NSD2: variants seen among roughly 807,000 people sequenced by gnomAD.
The protein encoded by NSD2 is nuclear receptor binding SET domain protein 2, also known as histone-lysine N-methyltransferase NSD2.
A neutral mutation model predicts 139.0 loss-of-function variants in NSD2; 12 were observed. The observed-to-expected ratio is 0.09, with a 90% CI of 0.06 to 0.14. The LOEUF is 0.14. Ranked by LOEUF, NSD2 falls within the 10% of genes least tolerant of loss-of-function variation. NSD2 has a pLI of 1.00. For synonymous variants in NSD2, 669 were observed against 648.7 expected (o/e 1.03, Z -0.48); for missense variants, 1,155 against 1,745.0 (o/e 0.66, Z 6.02).
In NSD2 at chr4:1,948,493, C is replaced by T. The variant is rs547332778; in HGVS notation, c.1882-2579C>T. ...CTTTGCTCTCCTTGCGGGTGGTTGC[C>T]GAGCCGAGAGCATTGGATCCTCCCC... On this transcript the variant is annotated intron_variant, in intron 9 of 21. Transcript: ENST00000508803. This position sits in a 1 kb window ranked among gnomAD's most constrained non-coding sequence, Gnocchi z 4.5. 5.6e-6 allele frequency: 6 copies of T among 1,064,490 alleles called. No homozygotes were observed. The highest frequency in any genetic ancestry group is 1.0e-4 in the East Asian group (2 of 19,774). 65.9% of individuals were successfully genotyped at this position (1,064,490 alleles called of 1,614,324 possible).
rs1051723582 is a variant in NSD2, at chr4:1,941,152, T to G, written c.1881+1374T>G. 22 of 1,054,326 alleles carry G rather than the reference T, an allele frequency of 2.1e-5. No homozygotes were observed. In the Admixed American group the frequency reaches 9.8e-4, roughly 47 times the overall value. The allele number at this position is 1,054,326 out of a possible 1,614,324, so 65.3% of individuals were successfully genotyped here. On this transcript the variant is annotated intron_variant, in intron 9 of 21. Coordinates refer to ENST00000508803, the MANE Select transcript of NSD2 (RefSeq NM_001042424.3). ...TATTTTTCCTTTTTCCTTTCTTTCTTGTCCAAGTTCAGGTTAAAATCTTAG... is the reference window on the plus strand; with the variant it reads ...TATTTTTCCTTTTTCCTTTCTTTCTGGTCCAAGTTCAGGTTAAAATCTTAG...
At chr4:1,925,586 A>G (rs1283675047) in intron 5 of NSD2, among the ~76,000 whole-genome samples, 1 of 150,282 alleles carries the variant, frequency 6.7e-6, no homozygotes, top group Non-Finnish European at 1.5e-5. Flanking sequence ...TTTAGTAGAG[A>G]TGGGGTTTCA....
At chr4:1,952,724 T>C (rs1248953440) in intron 11 of NSD2, 13 of 1,075,856 alleles carry the variant, frequency 1.2e-5, no homozygotes, top group African/African-American at 3.3e-5. Context: ...GTCAGTGCTG[T>C]TGTTCTGCCT....
At chr4:1,927,785 T>TGTAATCTG (rs988137648) in intron 5 of NSD2, among the ~76,000 whole-genome samples, 2 of 141,556 alleles carry the variant, frequency 1.4e-5, no homozygotes, top group Admixed American at 7.3e-5. Flanking sequence ...AGGAGGGGAA[T>TGTAATCTG]GTAATCTGAA....
intron 3 of NSD2, among the ~76,000 whole-genome samples, chr4:1,916,150 T>G (rs78069264): frequency 6.6e-6 from 1 of 151,396 alleles, no homozygotes; most frequent in Non-Finnish European, 1.5e-5. Flanking sequence ...CACTGTGAGA[T>G]AGGGGGGTAG....
At chr4:1,940,689 G>T (rs1024363484) in intron 9 of NSD2, 27 of 1,061,368 alleles carry the variant, frequency 2.5e-5, no homozygotes, top group Non-Finnish European at 3.1e-5. Context: ...GAACAGGGTA[G>T]TGAGGCAAGG....
intron 9 of NSD2, among the ~76,000 whole-genome samples, chr4:1,950,278 T>G (rs1383051243): frequency 6.6e-6 from 1 of 152,168 alleles, no homozygotes; most frequent in Non-Finnish European, 1.5e-5. Context: ...TTCTATTAAA[T>G]GAAGGGGAGA....
At chr4:1,968,755 T>G (rs1726140679) in intron 18 of NSD2, among the ~76,000 whole-genome samples, 2 of 152,164 alleles carry the variant, frequency 1.3e-5, no homozygotes, top group African/African-American at 4.8e-5. Context: ...CCCACAGGCC[T>G]TAATGTTTGT....
intron 3 of NSD2, among the ~76,000 whole-genome samples, chr4:1,907,942 G>A (rs1469460609): frequency 6.6e-6 from 1 of 152,044 alleles, no homozygotes; most frequent in Admixed American, 6.6e-5. Flanking sequence ...GGTAGCTTTC[G>A]TGGCACTGTT....
chr4:1,935,320 GC>G, intron 7 of NSD2, 58 bp downstream of exon 7: 1 of 1,376,130 alleles, frequency 7.3e-7, no homozygotes, highest in Non-Finnish European at 1.0e-6. Flanking sequence ...GACTCTTGGT[GC>G]CACTGTTTCC....
In NSD2 at chr4:1,979,306, G is replaced by A. The variant is rs1049836732; in HGVS notation, c.*397G>A. 4.5e-5 allele frequency: 11 copies of A among 243,880 alleles called. No individual in the cohort carries two copies. The highest frequency in any genetic ancestry group is 7.1e-5 in the Non-Finnish European group (9 of 125,958). The allele number at this position is 243,880 out of a possible 1,614,324, so 15.1% of individuals were successfully genotyped here. A position where few individuals can be genotyped will look rare whatever the true frequency, so the allele number is the denominator to read the frequency against. On this transcript the variant is annotated 3_prime_UTR_variant, in exon 22 of 22. Coordinates refer to ENST00000508803, the MANE Select transcript of NSD2 (RefSeq NM_001042424.3). ...AGGGTCGCTAGAAACTCGTCTTCGC[G>A]TTGCCCCCTTTCTGGCTCTCAGCGC...
chr4:1,951,950 G>C, intron 10 of NSD2, 158 bp from the exon 11 acceptor site: 1 of 1,182,416 alleles, frequency 8.5e-7, no homozygotes, highest in Non-Finnish European at 1.2e-6. Context: ...TGTACGTTCT[G>C]TTTGGGCCAG....
chr4:1,933,053 C>T (rs918546960), intron 6 of NSD2, among the ~76,000 whole-genome samples: 3 of 152,218 alleles, frequency 2.0e-5, no homozygotes, highest in Non-Finnish European at 2.9e-5. Context: ...GGCTTCTTCC[C>T]CAGACTGCCT....
intron 18 of NSD2, among the ~76,000 whole-genome samples, chr4:1,965,373 G>A (rs1012259385): frequency 6.6e-6 from 1 of 152,180 alleles, no homozygotes; most frequent in African/African-American, 2.4e-5. Context: ...ATCATAAGGG[G>A]TATGTGGGCT....
At chr4:1,967,711 ACAGT>A (rs1726033292) in intron 18 of NSD2, among the ~76,000 whole-genome samples, 1 of 152,176 alleles carries the variant, frequency 6.6e-6, no homozygotes, top group Non-Finnish European at 1.5e-5. Flanking sequence ...CATCTCTGAC[ACAGT>A]CAGTGTTGCC....
At chr4:1,891,512 A>G (rs1440491962) in intron 1 of NSD2, among the ~76,000 whole-genome samples, 1 of 152,086 alleles carries the variant, frequency 6.6e-6, no homozygotes, top group Non-Finnish European at 1.5e-5. Flanking sequence ...CATCTAAGCC[A>G]GTGGGCAAGG....
intron 9 of NSD2, chr4:1,944,355 T>C: frequency 3.8e-6 from 4 of 1,066,182 alleles, no homozygotes; most frequent in Non-Finnish European, 4.5e-6. Flanking sequence ...ATGCTGCTAA[T>C]TTAACGTGGA....
chr4:1,956,939 G>C lies in NSD2; in HGVS notation c.2881+751G>C, dbSNP rs776384661. Among the ~76,000 whole-genome samples the C allele has an allele frequency of 1.2e-4, 19 of 152,180 alleles. No homozygotes were observed. The highest frequency in any genetic ancestry group is 2.2e-4 in the Non-Finnish European group (15 of 68,032). On this transcript the variant is annotated intron_variant, in intron 15 of 21. Coordinates refer to ENST00000508803, the MANE Select transcript of NSD2 (RefSeq NM_001042424.3). The surrounding 1 kb of genome is among the most constrained non-coding windows in gnomAD (Gnocchi z 5.3). ...CACTGAGTGGTAGGAGTGCATGGTG[G>C]GCATTCAGAGATCTCATAAAGAATG...
At chr4:1,951,000 C>G (rs1458410839) in intron 9 of NSD2, 72 bp from the exon 10 acceptor site, 2 of 1,580,830 alleles carry the variant, frequency 1.3e-6, no homozygotes, top group Non-Finnish European at 1.7e-6. Flanking sequence ...GCGGGACGAG[C>G]CTGCCTGCAG....
Sources: allele counts gnomAD v4.1 joint callset (sites outside exome capture counted in the v4.1 genomes callset), GRCh38; gene constraint gnomAD v4.1.1; non-coding constraint Gnocchi (gnomAD v3.1); transcripts MANE v1.5; gene names NCBI Gene and HGNC (gene_info 2026-07-23, HGNC 2026-07-21).